Variants in TRIM37 observed in about 807,000 individuals in gnomAD.
TRIM37 encodes tripartite motif containing 37.
TRIM37 carries 80 observed loss-of-function variants against 129.8 expected under a neutral mutation model. The observed-to-expected ratio is 0.62, with a 90% CI of 0.51 to 0.74. The LOEUF (loss-of-function observed/expected upper bound fraction) is 0.74. TRIM37 is among the 30% of genes least tolerant of loss of function. TRIM37 has a pLI of 0.00. For synonymous variants in TRIM37, 389 were observed against 387.1 expected, an observed-to-expected ratio of 1.00 and a Z score of -0.06; for missense variants, 1,054 against 1,176.5, an observed-to-expected ratio of 0.90 and a Z score of 1.52.
rs111864288 is a variant in TRIM37, at chr17:59,024,240, T to A, written c.2257+4175A>T. 5.2e-4 allele frequency among the ~76,000 whole-genome samples: 67 copies of A among 130,064 alleles called. 2 individuals are homozygous for A. The highest frequency in any genetic ancestry group is 2.0e-3 in the African/African-American group (66 of 33,434). 85.3% of individuals were successfully genotyped at this position (130,064 alleles called of 152,430 possible). Reference sequence around the variant, plus strand: ...AAAAAAAAAAAAAAAAAAAAAAAAATTGCCACATTGGTTGAATACAGAATA... The same window carrying A: ...AAAAAAAAAAAAAAAAAAAAAAAAAATGCCACATTGGTTGAATACAGAATA... On this transcript the variant is annotated intron_variant, in intron 19 of 23. Coordinates refer to ENST00000262294, the MANE Select transcript of TRIM37 (RefSeq NM_015294.6).
intron 7 of TRIM37, among the ~76,000 whole-genome samples, chr17:59,077,173 C>T (rs1361800086): frequency 6.6e-6 from 1 of 152,006 alleles, no homozygotes; most frequent in Admixed American, 6.6e-5. Context: ...CGGCTCACTG[C>T]AACCTCCACC....
intron 22 of TRIM37, among the ~76,000 whole-genome samples, chr17:59,009,477 C>T (rs920441681): frequency 2.1e-5 from 3 of 144,450 alleles, no homozygotes; most frequent in African/African-American, 7.8e-5. Flanking sequence ...CGAAGTTTCA[C>T]TCTTGTTGCC....
the TRIM37 span, among the ~76,000 whole-genome samples, chr17:58,975,580 A>G: frequency 7.2e-5 from 11 of 152,234 alleles, no homozygotes; most frequent in African/African-American, 2.7e-4. Context: ...GGAAATCCCT[A>G]CACAGGTAGA....
At chr17:59,050,409 C>T (rs2040222294) in intron 14 of TRIM37, among the ~76,000 whole-genome samples, 1 of 152,190 alleles carries the variant, frequency 6.6e-6, no homozygotes, top group Admixed American at 6.5e-5. Context: ...GCTAAATTTA[C>T]AGACCAGGCA....
chr17:59,009,976 C>T (rs775697019), intron 22 of TRIM37, among the ~76,000 whole-genome samples: 1 of 152,284 alleles, frequency 6.6e-6, no homozygotes, highest in East Asian at 1.9e-4. Flanking sequence ...CAGCACTCAT[C>T]GTCCTATATT....
At position 59,106,603 on chromosome 17, in the gene TRIM37, G is replaced by T; in HGVS notation, c.-142C>A. ...GGGGGCTCTGACAACCGCCCCACCT[G>T]CGCGCCCCATCTCTTCAGGTCCAGC... On this transcript the variant is annotated 5_prime_UTR_variant, in exon 1 of 24. Coordinates refer to ENST00000262294, the MANE Select transcript of TRIM37 (RefSeq NM_015294.6). 1.0e-6 allele frequency: 1 copy of T among 971,786 alleles called. No homozygotes were observed. The highest frequency in any genetic ancestry group is 1.6e-6 in the Non-Finnish European group (1 of 628,460). The allele number at this position is 971,786 out of a possible 1,614,324, so 60.2% of individuals were successfully genotyped here. A position where few individuals can be genotyped will look rare whatever the true frequency, so the allele number is the denominator to read the frequency against.
intron 19 of TRIM37, 55 bp from the exon 20 acceptor site, chr17:59,017,479 T>A: frequency 6.2e-7 from 1 of 1,612,728 alleles, no homozygotes; most frequent in Non-Finnish European, 8.5e-7. Flanking sequence ...CAAAACTCAC[T>A]ATTTAGTCTG....
At chr17:59,101,142 A>C (rs1317651537) in intron 2 of TRIM37, among the ~76,000 whole-genome samples, 2 of 152,228 alleles carry the variant, frequency 1.3e-5, no homozygotes, top group Admixed American at 1.3e-4. Context: ...GTAGGCAAGC[A>C]ATCAATATTT....
intron 22 of TRIM37, among the ~76,000 whole-genome samples, chr17:59,005,306 C>T (rs1449265867): frequency 2.7e-5 from 4 of 150,802 alleles, no homozygotes; most frequent in Admixed American, 6.6e-5. Context: ...TTTTTTGAGA[C>T]GGCGTCTCAC....
chr17:58,995,542 C>A (rs1225223989), downstream of TRIM37, among the ~76,000 whole-genome samples: 1 of 151,982 alleles, frequency 6.6e-6, no homozygotes, highest in Non-Finnish European at 1.5e-5. Context: ...AAATAAATAT[C>A]CATCATATAT....
intron 20 of TRIM37, 66 bp downstream of exon 20, chr17:59,017,230 T>C (rs944793337): frequency 4.4e-6 from 7 of 1,583,300 alleles, no homozygotes; most frequent in Non-Finnish European, 6.1e-6. Flanking sequence ...AGCTCCACGA[T>C]AACATCAATT....
downstream of TRIM37, among the ~76,000 whole-genome samples, chr17:58,979,058 C>G (rs1598716124): frequency 6.6e-6 from 1 of 152,164 alleles, no homozygotes; most frequent in East Asian, 1.9e-4. Flanking sequence ...ACTAACTTAC[C>G]CTTCAGGACC....
At position 59,084,090 on chromosome 17, in the gene TRIM37, C is replaced by G. The variant is rs111447660; in HGVS notation, c.282-1G>C. 2 of 1,605,852 alleles carry G rather than the reference C, an allele frequency of 1.2e-6. No individual in the cohort carries two copies. Among genetic ancestry groups the G allele is most frequent in the Non-Finnish European group, 1.7e-6 (2 of 1,173,368 alleles). On this transcript the variant is annotated splice_acceptor_variant, in intron 4 of 23. Coordinates refer to ENST00000262294, the MANE Select transcript of TRIM37 (RefSeq NM_015294.6). LOFTEE classifies it high-confidence loss of function. The stretch of plus-strand genomic sequence containing the variant: ...AAGTTTTTCATGGTGATTTTCACAT[C>G]TATACATTATGAAAAGAAAATGAAG...
intron 4 of TRIM37, among the ~76,000 whole-genome samples, chr17:59,087,236 T>C (rs1352070859): frequency 6.6e-6 from 1 of 151,812 alleles, no homozygotes; most frequent in Non-Finnish European, 1.5e-5. Context: ...GCTGGGATTA[T>C]AGGCGTCCAC....
intron 22 of TRIM37, among the ~76,000 whole-genome samples, chr17:59,011,425 C>T (rs1333687409): frequency 1.3e-5 from 2 of 152,146 alleles, no homozygotes; most frequent in Non-Finnish European, 2.9e-5. Flanking sequence ...CTTAGGGCAG[C>T]TGAGTAGATG....
downstream of TRIM37, among the ~76,000 whole-genome samples, chr17:58,996,676 G>C (rs2033032969): frequency 1.3e-5 from 2 of 151,408 alleles, no homozygotes; most frequent in Non-Finnish European, 2.9e-5. Context: ...GGCTTAGGTG[G>C]GAGGATCACT....
chr17:59,094,193 C>T (rs2044653952), intron 2 of TRIM37, among the ~76,000 whole-genome samples: 1 of 152,114 alleles, frequency 6.6e-6, no homozygotes, highest in East Asian at 1.9e-4. Context: ...TGAAATTGCT[C>T]AGCCTCCACA....
chr17:59,042,220 C>CA (rs1455061295), intron 16 of TRIM37, among the ~76,000 whole-genome samples: 5 of 150,244 alleles, frequency 3.3e-5, no homozygotes, highest in Admixed American at 6.7e-5. Context: ...ACTAAAAATA[C>CA]AAAAAATTAG....
At chr17:58,991,916 G>A (rs548534975) in intron 24 of TRIM37, among the ~76,000 whole-genome samples, 8 of 152,122 alleles carry the variant, frequency 5.3e-5, no homozygotes, top group East Asian at 1.9e-4. Flanking sequence ...CCAACCACCC[G>A]GAGTTAGGTC....
Sources: gnomAD v4.1 joint callset for allele counts (sites outside exome capture counted in the v4.1 genomes callset) on GRCh38, gnomAD v4.1.1 for gene constraint, MANE v1.5 for transcripts, NCBI Gene and HGNC (gene_info 2026-07-23, HGNC 2026-07-21) for gene names.